EDC3: variants seen among roughly 807,000 people sequenced by gnomAD.
The protein encoded by EDC3 is enhancer of mRNA-decapping protein 3.
EDC3 carries 20 observed loss-of-function variants against 41.8 expected under a neutral mutation model. That is an observed-to-expected ratio of 0.48 (90% CI 0.34 to 0.70). The LOEUF (loss-of-function observed/expected upper bound fraction) is 0.70. Ranked by LOEUF, EDC3 falls within the 30% of genes least tolerant of loss-of-function variation. EDC3 has a pLI of 0.01. For synonymous variants in EDC3, 206 were observed against 243.2 expected (o/e 0.85, Z 1.42); for missense variants, 444 against 636.8 (o/e 0.70, Z 3.26).
intron 1 of EDC3, chr15:74,693,013 G>C (rs900151101): frequency 3.9e-5 from 6 of 152,070 alleles, no homozygotes; most frequent in Non-Finnish European, 5.9e-5. Flanking sequence ...GCCTATACCT[G>C]AAAGCCTGAA....
chr15:74,647,623 G>A (rs76357815), intron 4 of EDC3, among the ~76,000 whole-genome samples: 5,134 of 152,172 alleles, frequency 0.034, 302 homozygotes, highest in African/African-American at 0.12. Flanking sequence ...AAGCCCTTCA[G>A]GCCTATGACA....
chr15:74,635,547 T>C lies in EDC3; in HGVS notation c.1054A>G (p.Ser352Gly). ...GPHVKGAQGI[S>G]CGRHLANHDV... ...TGGTTGGCTAGGTGCCTTCCACAGC[T>C]GATACCCTGAGCCCCCTTCACATGA... Residue 352 changes from serine (S) to glycine (G), a missense_variant, in exon 6 of 7, where the codon AGC becomes GGC. By Grantham distance (56) the Ser-to-Gly change is moderately conservative. Transcript: ENST00000315127. The C allele has an allele frequency of 6.2e-7, 1 of 1,614,254 alleles. No individual in the cohort carries two copies. Among genetic ancestry groups the C allele is most frequent in the Non-Finnish European group, 8.5e-7 (1 of 1,180,048 alleles).
chr15:74,682,617 C>CAAAAAA (rs61528385), intron 1 of EDC3, among the ~76,000 whole-genome samples: 1 of 60,586 alleles, frequency 1.7e-5, no homozygotes, highest in Non-Finnish European at 3.8e-5. Flanking sequence ...GACTCCATCT[C>CAAAAAA]AAAAAAAAAA....
chr15:74,659,183 T>C (rs140955290), intron 3 of EDC3, among the ~76,000 whole-genome samples: 147 of 151,682 alleles, frequency 9.7e-4, no homozygotes, highest in Admixed American at 2.5e-3. Flanking sequence ...AAGAAATATG[T>C]TGGGCACAGT....
chr15:74,692,007 G>A (rs113748434), intron 1 of EDC3, among the ~76,000 whole-genome samples: 7,641 of 152,030 alleles, frequency 0.05, 200 homozygotes, highest in Middle Eastern at 0.13. Context: ...TTTTAGTAGA[G>A]GCGGGGTTTC....
chr15:74,632,832 C>T lies in EDC3; in HGVS notation c.1307G>A (p.Arg436Gln), dbSNP rs2062228631. The change falls in exon 7 of 7, where the codon CGG (arginine) becomes CAG (glutamine). Residue 436 changes from arginine (R) to glutamine (Q), a missense_variant. Around this residue, in one of 3 missense-constraint regions of EDC3, gnomAD observed 242 missense variants for 363.8 expected, o/e 0.67. Coordinates refer to ENST00000315127, the MANE Select transcript of EDC3 (RefSeq NM_025083.5). The surrounding 1 kb of genome is among the most constrained non-coding windows in gnomAD (Gnocchi z 4.0). ...KAAVAWANQN[R>Q]APVLSIDPPV... is the part of the protein sequence containing the mutation. Reference sequence around the variant, plus strand: ...AGGGTCTATGCTGAGTACTGGTGCCCGGTTCTGGTTGGCCCAGGCCACAGC... The same window carrying T: ...AGGGTCTATGCTGAGTACTGGTGCCTGGTTCTGGTTGGCCCAGGCCACAGC... 1.2e-6 allele frequency: 2 copies of T among 1,614,244 alleles called. No individual in the cohort carries two copies.
intron 4 of EDC3, among the ~76,000 whole-genome samples, chr15:74,650,041 A>G (rs1031519723): frequency 6.6e-6 from 1 of 152,088 alleles, no homozygotes; most frequent in Non-Finnish European, 1.5e-5. Context: ...TGCTTCCCTC[A>G]TATCTTTGTG....
chr15:74,655,554 C>A (rs1226406104), intron 4 of EDC3, among the ~76,000 whole-genome samples, 179 bp downstream of exon 4: 1 of 152,184 alleles, frequency 6.6e-6, no homozygotes, highest in African/African-American at 2.4e-5. Flanking sequence ...TACCCCTCCA[C>A]CATGGCAGAA....
chr15:74,689,573 G>A (rs1023552947), intron 1 of EDC3, among the ~76,000 whole-genome samples: 5 of 151,148 alleles, frequency 3.3e-5, no homozygotes, highest in African/African-American at 4.9e-5. Flanking sequence ...CGCCCAGGCC[G>A]GACTGCAGTG....
intron 1 of EDC3, among the ~76,000 whole-genome samples, chr15:74,691,895 C>G (rs894683527): frequency 1.3e-5 from 2 of 152,116 alleles, no homozygotes; most frequent in African/African-American, 4.8e-5. Context: ...CGGCTCACTG[C>G]AACCTCCACC....
intron 4 of EDC3, among the ~76,000 whole-genome samples, chr15:74,654,253 CAAAA>C (rs61594463): frequency 1.0e-5 from 1 of 96,704 alleles, no homozygotes. Context: ...GACTTCGTCT[CAAAA>C]AAAAAAAAAA....
chr15:74,672,709 G>A (rs2062753357), intron 2 of EDC3, among the ~76,000 whole-genome samples: 1 of 152,068 alleles, frequency 6.6e-6, no homozygotes, highest in South Asian at 2.1e-4. Context: ...TAGCTACCCA[G>A]GAGGCTGAGG....
chr15:74,680,789 T>C (rs2062862283), intron 1 of EDC3, among the ~76,000 whole-genome samples: 1 of 152,150 alleles, frequency 6.6e-6, no homozygotes, highest in Non-Finnish European at 1.5e-5. Flanking sequence ...GATTGTGGGA[T>C]ACAAGATAAA....
chr15:74,653,992 C>A (rs987060850), intron 4 of EDC3, among the ~76,000 whole-genome samples: 1 of 151,876 alleles, frequency 6.6e-6, no homozygotes. Flanking sequence ...GTGGCTCACA[C>A]CTGTAATCCC....
chr15:74,652,388 C>T (rs968921503), intron 4 of EDC3, among the ~76,000 whole-genome samples: 4 of 151,960 alleles, frequency 2.6e-5, no homozygotes, highest in African/African-American at 7.3e-5. Context: ...CCACCATGCC[C>T]GGCTCATTTT....
intron 4 of EDC3, among the ~76,000 whole-genome samples, chr15:74,647,122 G>A (rs2141597527): frequency 6.6e-6 from 1 of 151,166 alleles, no homozygotes; most frequent in East Asian, 1.9e-4. Context: ...TGATTCTCCT[G>A]CCTCAGCCTC....
Position 74,656,021 on chromosome 15 carries a change from C to T in EDC3, c.532G>A (p.Gly178Ser), listed in dbSNP as rs1248022943. The change falls in exon 4 of 7, where the codon GGT becomes AGT. Residue 178 changes from glycine (G) to serine (S), a missense_variant. Coordinates refer to ENST00000315127, the MANE Select transcript of EDC3 (RefSeq NM_025083.5). Reference protein sequence around the residue: ...HPNQATPKKSGLKNGQMKNKD... With the variant: ...HPNQATPKKSSLKNGQMKNKD... ...TTCTTCATCTGGCCATTCTTTAAAC[C>T]ACTTTTCTTGGGAGTTGCCTGATTT... is the stretch of plus-strand genomic sequence containing the variant. The T allele has an allele frequency of 6.2e-7, 1 of 1,613,348 alleles. No individual in the cohort carries two copies. Among genetic ancestry groups the T allele is most frequent in the South Asian group, 1.1e-5 (1 of 91,048 alleles).
intron 4 of EDC3, among the ~76,000 whole-genome samples, chr15:74,649,846 C>T (rs543265780): frequency 7.8e-6 from 1 of 128,270 alleles, no homozygotes; most frequent in Admixed American, 8.4e-5. Context: ...CAAAGCATTG[C>T]AGGAGGGAAA....
intron 1 of EDC3, among the ~76,000 whole-genome samples, chr15:74,677,407 C>T (rs537221725): frequency 6.9e-4 from 90 of 130,342 alleles, no homozygotes; most frequent in Non-Finnish European, 9.2e-4. Flanking sequence ...CTATCTTTAT[C>T]GCCCAGGCTA....
Sources: allele counts gnomAD v4.1 joint callset (sites outside exome capture counted in the v4.1 genomes callset), GRCh38; gene constraint gnomAD v4.1.1; regional missense constraint gnomAD v4.1.1; non-coding constraint Gnocchi (gnomAD v3.1); transcripts MANE v1.5; gene names NCBI Gene and HGNC (gene_info 2026-07-23, HGNC 2026-07-21).